Variants in ELK1 observed in about 807,000 individuals in gnomAD.
ELK1 encodes ETS transcription factor ELK1, also known as ETS domain-containing protein Elk-1.
For missense variants in ELK1, 254 were observed against 381.5 expected, an observed-to-expected ratio of 0.67 and a Z score of 2.78; for synonymous variants, 163 against 176.3, an observed-to-expected ratio of 0.92 and a Z score of 0.60.
At chrX:47,637,596 T>C (rs1603089557) in intron 5 of ELK1, among the ~76,000 whole-genome samples, 155 bp downstream of exon 5, 1 of 109,852 alleles carries the variant, frequency 9.1e-6, no homozygotes, top group African/African-American at 3.3e-5. Context: ...ACCCCATCCC[T>C]CCAGCCAGCA....
Position 47,641,611 on chromosome X carries a change from G to A in ELK1, c.-34-136C>T, listed in dbSNP as rs570930594. On this transcript the variant is annotated intron_variant, in intron 2 of 6. Coordinates refer to ENST00000376983, the MANE Select transcript of ELK1 (RefSeq NM_001114123.3). ...TACCATCATTCCCTAAACCTTCCCA[G>A]ACTAACTTCTAGCTCCCCAGTCTTG... 75 of 493,202 alleles carry A rather than the reference G, an allele frequency of 1.5e-4. No individual in the cohort carries two copies. In the South Asian group the frequency reaches 2.3e-3, roughly 15 times the overall value. 40.6% of individuals were successfully genotyped at this position (493,202 alleles called of 1,213,427 possible).
rs1250020775 is a variant in ELK1 at position 47,637,966 on chromosome X, TAAC to T, written c.868_870del (p.Val290del). ...CCGCCCGCCTGCCCTGCGGTGTCCATAACAACCGCGGGCAGCCGGGCTGGCACG... is the reference window on the plus strand; with the variant it reads ...CCGCCCGCCTGCCCTGCGGTGTCCATAACCGCGGGCAGCCGGGCTGGCACG... On this transcript the variant is annotated inframe_deletion, in exon 5 of 7. Transcript: ENST00000376983. 1 of 1,205,127 alleles carries T rather than the reference TAAC, an allele frequency of 8.3e-7. No homozygotes were observed. The highest frequency in any genetic ancestry group is 3.0e-5 in the East Asian group (1 of 33,373).
At position 47,638,013 on chromosome X, in the gene ELK1, T is replaced by A; in HGVS notation, c.824A>T (p.Glu275Val). The A allele has an allele frequency of 8.3e-7, 1 of 1,211,197 alleles. No individual in the cohort carries two copies. The highest frequency in any genetic ancestry group is 2.3e-4 in the Middle Eastern group (1 of 4,354). The change falls in exon 5 of 7, where the codon GAA (glutamate) becomes GTA (valine). Residue 275 changes from glutamate to valine, a missense_variant. Transcript: ENST00000376983. ...TGGCACGCCCTCCTGTGGAGGGACTTCTGGCTCGGCCTTGGTGGTTTCTGG... is the reference window on the plus strand; with the variant it reads ...TGGCACGCCCTCCTGTGGAGGGACTACTGGCTCGGCCTTGGTGGTTTCTGG... The part of the protein sequence containing the change: ...FVPETTKAEP[E>V]VPPQEGVPAR...
intron 2 of ELK1, among the ~76,000 whole-genome samples, chrX:47,645,479 C>T (rs1043438363): frequency 1.1e-4 from 12 of 112,053 alleles, no homozygotes; most frequent in Non-Finnish European, 1.9e-4. Flanking sequence ...AATCGCCTTA[C>T]ACCACCAGTT....
intron 2 of ELK1, among the ~76,000 whole-genome samples, chrX:47,645,246 T>G (rs1337805666): frequency 2.7e-5 from 3 of 111,431 alleles, no homozygotes; most frequent in African/African-American, 9.8e-5. Context: ...TTTTAATAAT[T>G]TAAAAATGCA....
intron 2 of ELK1, among the ~76,000 whole-genome samples, chrX:47,644,676 G>A (rs978326919): frequency 8.1e-5 from 9 of 110,812 alleles, no homozygotes; most frequent in Non-Finnish European, 1.7e-4. Flanking sequence ...AGCGGCAGCC[G>A]GTGTGAAGGG....
chrX:47,647,739 G>A (rs186617288), intron 2 of ELK1, among the ~76,000 whole-genome samples: 20 of 112,153 alleles, frequency 1.8e-4, no homozygotes, highest in African/African-American at 6.5e-4. Context: ...AGTTGCTGGA[G>A]ACATAGCGGT....
At position 47,637,844 on chromosome X, in the gene ELK1, C is replaced by T. The variant is rs1326690872; in HGVS notation, c.993G>A (p.Pro331=). Residue 331 remains proline (P), a synonymous_variant, in exon 5 of 7, where the codon CCG becomes CCA. Transcript: ENST00000376983. ...CCGATCCTGGGGTCCGTTCGGGTCC[C>T]GGCCCACCTAGCAGGCTCGGGCTGA... is the stretch of plus-strand genomic sequence containing the variant. ...LPLSPSLLGG[P]GPERTPGSGS... is the part of the protein sequence containing the mutation. 5 of 1,197,093 alleles carry T rather than the reference C, an allele frequency of 4.2e-6. No homozygotes were observed. Among genetic ancestry groups the T allele is most frequent in the Admixed American group, 2.3e-5 (1 of 44,287 alleles).
rs368570204 is a variant in ELK1, at chrX:47,639,005, G to A, written c.544C>T (p.Pro182Ser). ...PPHPRPAVVLPSAAPAGAAAP... is the reference protein window; with the variant it reads ...PPHPRPAVVLSSAAPAGAAAP... ...GCTGCCCCTGCAGGAGCTGCACTGG[G>A]GAGCACCACAGCAGGCCGAGGATGA... Residue 182 changes from proline to serine, a missense_variant, in exon 4 of 7, where the codon CCC (proline) becomes TCC (serine). By Grantham distance (74) the Pro-to-Ser change is moderately conservative. Coordinates refer to ENST00000376983, the MANE Select transcript of ELK1 (RefSeq NM_001114123.3). The A allele has an allele frequency of 1.7e-5, 20 of 1,200,442 alleles. No homozygotes were observed. The African/African-American group carries it at 3.5e-4, about 21-fold the overall frequency.
intron 4 of ELK1, 133 bp downstream of exon 4, chrX:47,638,761 TG>T: frequency 1.3e-6 from 1 of 768,184 alleles, no homozygotes; most frequent in Non-Finnish European, 1.9e-6. Context: ...TCTAAGAGGA[TG>T]TCTTCCTTCC....
At position 47,638,898 on chromosome X, in the gene ELK1, C is replaced by T. The variant is rs1318560662; in HGVS notation, c.651G>A (p.Leu217=). ...ATTTCTATATTCCAGTCCTTACCTG[C>T]AGAGGCAAGCCGGCCTCTTCAGCCT... ...CLEAEEAGLP[L]QVILTPPEAP... The change falls in exon 4 of 7, where the codon CTG becomes CTA. Residue 217 remains leucine (L), a synonymous_variant. Transcript: ENST00000376983. 8 of 1,199,160 alleles carry T rather than the reference C, an allele frequency of 6.7e-6. No individual in the cohort carries two copies. The highest frequency in any genetic ancestry group is 1.7e-5 in the African/African-American group (1 of 57,160).
At position 47,636,316 on chromosome X, in the gene ELK1, G is replaced by C. The variant is rs2058007689; in HGVS notation, c.*513C>G. 8.9e-6 allele frequency: 1 copy of C among 112,682 alleles called. No individual in the cohort carries two copies. Among genetic ancestry groups the C allele is most frequent in the South Asian group, 3.7e-4 (1 of 2,682 alleles). 9.3% of individuals were successfully genotyped at this position (112,682 alleles called of 1,213,427 possible). A position where few individuals can be genotyped will look rare whatever the true frequency, so the allele number is the denominator to read the frequency against. ...CATTAAATGGTACAAATTCTTCCTG[G>C]ACCCCTGAGTATGGCCAGGAATAAT... On this transcript the variant is annotated 3_prime_UTR_variant, in exon 7 of 7. Transcript: ENST00000376983.
chrX:47,645,045 A>G (rs2058039382), intron 2 of ELK1, among the ~76,000 whole-genome samples: 1 of 110,564 alleles, frequency 9.0e-6, no homozygotes, highest in African/African-American at 3.3e-5. Flanking sequence ...GACAGATAGC[A>G]TGCCCGGGGG....
In ELK1 at chrX:47,641,226, C is replaced by G; in HGVS notation, c.210+6G>C. 1 of 1,209,798 alleles carries G rather than the reference C, an allele frequency of 8.3e-7. No individual in the cohort carries two copies. The highest frequency in any genetic ancestry group is 1.1e-6 in the Non-Finnish European group (1 of 894,756). On this transcript the variant is annotated splice_donor_region_variant and intron_variant, in intron 3 of 6. Coordinates refer to ENST00000376983, the MANE Select transcript of ELK1 (RefSeq NM_001114123.3). The stretch of plus-strand genomic sequence containing the variant: ...GGGGTTCCAGCCCTGGTCTGAGAGA[C>G]TGTACCTTGTCATAGTAGTACCGCA...
At chrX:47,644,298 G>A (rs1426897297) in intron 2 of ELK1, among the ~76,000 whole-genome samples, 2 of 111,559 alleles carry the variant, frequency 1.8e-5, no homozygotes, top group African/African-American at 3.3e-5. Flanking sequence ...CCTCATAAGA[G>A]TTCTAGTAAT....
Position 47,638,003 on chromosome X carries a change from T to G in ELK1, c.834A>C (p.Pro278=). The part of the protein sequence containing the change: ...ETTKAEPEVP[P]QEGVPARLPA... ...GCAGCCGGGCTGGCACGCCCTCCTGTGGAGGGACTTCTGGCTCGGCCTTGG... is the reference window on the plus strand; with the variant it reads ...GCAGCCGGGCTGGCACGCCCTCCTGGGGAGGGACTTCTGGCTCGGCCTTGG... Residue 278 remains proline, a synonymous_variant, in exon 5 of 7, where the codon CCA becomes CCC. Coordinates refer to ENST00000376983, the MANE Select transcript of ELK1 (RefSeq NM_001114123.3). 4 of 1,210,800 alleles carry G rather than the reference T, an allele frequency of 3.3e-6. No homozygotes were observed. The highest frequency in any genetic ancestry group is 4.5e-6 in the Non-Finnish European group (4 of 895,181).
chrX:47,637,691 C>A, intron 5 of ELK1, 60 bp downstream of exon 5: 1 of 1,120,039 alleles, frequency 8.9e-7, no homozygotes, highest in Admixed American at 2.8e-5. Flanking sequence ...CAGTCACCCG[C>A]CACATGCCAA....
In ELK1 at chrX:47,639,197, C is replaced by T; in HGVS notation, c.352G>A (p.Ala118Thr). The change falls in exon 4 of 7, where the codon GCT becomes ACT. Residue 118 changes from alanine to threonine, a missense_variant. Ala to Thr is a moderately conservative substitution (Grantham distance 58, BLOSUM62 0). Coordinates refer to ENST00000376983, the MANE Select transcript of ELK1 (RefSeq NM_001114123.3). Reference sequence around the variant, plus strand: ...GTGTCCCCTGGGGCGGCATGTATAGCAGCAGGGGCCACATTTGGCATGGTG... The same window carrying T: ...GTGTCCCCTGGGGCGGCATGTATAGTAGCAGGGGCCACATTTGGCATGGTG... Reference protein sequence around the residue: ...TSTMPNVAPAAIHAAPGDTVS... With the variant: ...TSTMPNVAPATIHAAPGDTVS... 1 of 1,209,360 alleles carries T rather than the reference C, an allele frequency of 8.3e-7. No individual in the cohort carries two copies. Among genetic ancestry groups the T allele is most frequent in the Non-Finnish European group, 1.1e-6 (1 of 894,213 alleles).
intron 2 of ELK1, among the ~76,000 whole-genome samples, chrX:47,642,588 CTT>C (rs765850709): frequency 3.0e-5 from 3 of 100,926 alleles, no homozygotes; most frequent in African/African-American, 1.1e-4. Context: ...TGTTCTCGTT[CTT>C]TTTTTTTTTT....
Sources: gnomAD v4.1 joint callset for allele counts (sites outside exome capture counted in the v4.1 genomes callset) on GRCh38, gnomAD v4.1.1 for gene constraint, MANE v1.5 for transcripts, NCBI Gene and HGNC (gene_info 2026-07-23, HGNC 2026-07-21) for gene names.